The following CGNL1 variants were observed in gnomAD, a reference collection of about 807,000 sequenced individuals.
CGNL1 encodes cingulin like 1.
A neutral mutation model predicts 141.2 loss-of-function variants in CGNL1; 132 were observed. That is an observed-to-expected ratio of 0.93 (90% CI 0.81 to 1.08). The LOEUF is 1.08. CGNL1 is among the 50% of genes least tolerant of loss of function. The pLI is 0.00. For missense variants in CGNL1, 1,870 were observed against 1,588.6 expected (o/e 1.18, Z -3.01); for synonymous variants, 690 against 622.1 (o/e 1.11, Z -1.63).
intron 8 of CGNL1, among the ~76,000 whole-genome samples, chr15:57,513,463 T>C (rs2030514202): frequency 6.6e-6 from 1 of 152,210 alleles, no homozygotes; most frequent in Non-Finnish European, 1.5e-5. Context: ...TTGCACTTAT[T>C]GGATACTGTG....
At chr15:57,451,772 A>AT (rs1282084983) in intron 5 of CGNL1, among the ~76,000 whole-genome samples, 171 bp downstream of exon 5, 75 of 149,524 alleles carry the variant, frequency 5.0e-4, no homozygotes, top group African/African-American at 1.4e-3. Context: ...TGTCCAAAGA[A>AT]TTTTTTTTTT....
At position 57,439,541 on chromosome 15, in the gene CGNL1, G is replaced by T. The variant is rs377479463; in HGVS notation, c.1542G>T (p.Ser514=). ...TACAGAACCGGGCAACAGCAACTTCGCCTGATTCTGGTGCCAAGAAAATTT... is the reference window on the plus strand; with the variant it reads ...TACAGAACCGGGCAACAGCAACTTCTCCTGATTCTGGTGCCAAGAAAATTT... ...LMLQNRATAT[S]PDSGAKKISV... The change falls in exon 2 of 19, where the codon TCG becomes TCT. Residue 514 remains serine, a synonymous_variant. Coordinates refer to ENST00000281282, the MANE Select transcript of CGNL1 (RefSeq NM_032866.5). 27 of 1,613,998 alleles carry T rather than the reference G, an allele frequency of 1.7e-5. 1 individual carries two copies. In the African/African-American group the frequency reaches 2.9e-4, roughly 18 times the overall value.
Position 57,523,501 on chromosome 15 carries a change from C to A in CGNL1, c.2728C>A (p.Gln910Lys). The A allele has an allele frequency of 6.2e-7, 1 of 1,614,112 alleles. No individual in the cohort carries two copies. The highest frequency in any genetic ancestry group is 8.5e-7 in the Non-Finnish European group (1 of 1,180,014). Residue 910 changes from glutamine (Q) to lysine (K), a missense_variant, in exon 11 of 19, where the codon CAG becomes AAG. Transcript: ENST00000281282. ...ELEAAQGNLS[Q>K]TTQEQKQLSE... The stretch of plus-strand genomic sequence containing the variant: ...CTGCCATTTGCAGGGAAATCTGAGT[C>A]AGACTACCCAGGAGCAGAAGCAGTT...
In CGNL1 at chr15:57,549,506, A is replaced by G. The variant is rs1193114100; in HGVS notation, c.*2016A>G. ...AGACAGCCAAGCCCCTTCCACATCT[A>G]CAGGGTCACTGTCATCCTCACCACA... On this transcript the variant is annotated 3_prime_UTR_variant, in exon 19 of 19. Transcript: ENST00000281282. 2.0e-5 allele frequency: 3 copies of G among 152,156 alleles called. No individual in the cohort carries two copies. The highest frequency in any genetic ancestry group is 3.9e-4 in the East Asian group (2 of 5,184). 9.4% of individuals were successfully genotyped at this position (152,156 alleles called of 1,614,324 possible).
intron 1 of CGNL1, among the ~76,000 whole-genome samples, chr15:57,403,430 C>T (rs1416053028): frequency 6.6e-6 from 1 of 152,202 alleles, no homozygotes; most frequent in African/African-American, 2.4e-5. Context: ...AAAACCATCT[C>T]CCAAACCCAG....
At chr15:57,490,916 AT>A (rs2063851944) in intron 8 of CGNL1, among the ~76,000 whole-genome samples, 1 of 152,168 alleles carries the variant, frequency 6.6e-6, no homozygotes, top group South Asian at 2.1e-4. Flanking sequence ...CATCAGACAA[AT>A]TCCAATTGAG....
At chr15:57,377,238 C>T (rs2062373902) in intron 1 of CGNL1, 2 of 152,234 alleles carry the variant, frequency 1.3e-5, no homozygotes, top group African/African-American at 4.8e-5. Context: ...GTGTGTTCTT[C>T]ACCCTAAGGC....
chr15:57,542,926 C>G lies in CGNL1; in HGVS notation c.3292-770C>G, dbSNP rs150568752. On this transcript the variant is annotated intron_variant, in intron 14 of 18. Transcript: ENST00000281282. ...AGTATCCTCAGAGAGATACTGTTAG[C>G]TCCTTCTGAGGGTTGTTTGTGAGTG... is the stretch of plus-strand genomic sequence containing the variant. 2.6e-5 allele frequency among the ~76,000 whole-genome samples: 4 copies of G among 152,326 alleles called. No individual in the cohort carries two copies. The East Asian group carries it at 7.7e-4, about 29-fold the overall frequency.
At chr15:57,457,665 G>A (rs957412532) in intron 7 of CGNL1, among the ~76,000 whole-genome samples, 2 of 152,140 alleles carry the variant, frequency 1.3e-5, no homozygotes, top group Non-Finnish European at 2.9e-5. Context: ...CAAACAAGAG[G>A]CGTGAGAGCC....
intron 1 of CGNL1, among the ~76,000 whole-genome samples, chr15:57,435,976 T>C (rs2063100976): frequency 1.3e-5 from 2 of 152,092 alleles, no homozygotes; most frequent in South Asian, 4.1e-4. Context: ...CAGGTAGAGA[T>C]TAGCAACATT....
chr15:57,463,406 T>G (rs757853520), intron 8 of CGNL1, among the ~76,000 whole-genome samples: 9 of 152,244 alleles, frequency 5.9e-5, no homozygotes, highest in African/African-American at 1.7e-4. Flanking sequence ...TAACTCATAG[T>G]ATTTTCATTA....
chr15:57,532,006 T>A (rs960552777), intron 14 of CGNL1, among the ~76,000 whole-genome samples: 1 of 152,222 alleles, frequency 6.6e-6, no homozygotes, highest in East Asian at 1.9e-4. Flanking sequence ...TATTTCCTGA[T>A]CTATACCTAG....
intron 8 of CGNL1, 35 bp from the exon 9 acceptor site, chr15:57,516,745 A>C (rs2030832838): frequency 8.1e-6 from 13 of 1,599,872 alleles, no homozygotes; most frequent in Non-Finnish European, 1.1e-5. Flanking sequence ...CCTTGACATC[A>C]GTCTCCTTGT....
intron 1 of CGNL1, among the ~76,000 whole-genome samples, chr15:57,435,407 G>GGTTT (rs1291475942): frequency 2.1e-5 from 2 of 96,862 alleles, no homozygotes. Context: ...AAATTTGCAG[G>GGTTT]TTTTTTTGTT....
At chr15:57,532,812 C>A (rs549189334) in intron 14 of CGNL1, among the ~76,000 whole-genome samples, 1 of 152,338 alleles carries the variant, frequency 6.6e-6, no homozygotes, top group South Asian at 2.1e-4. Context: ...GAGCCTCAGC[C>A]CTAAAAGGCA....
intron 2 of CGNL1, among the ~76,000 whole-genome samples, chr15:57,440,032 A>G (rs1440833285): frequency 2.0e-5 from 3 of 152,026 alleles, no homozygotes; most frequent in Admixed American, 6.6e-5. Context: ...ATTTAGGTTA[A>G]TTGTCAAGTG....
intron 1 of CGNL1, among the ~76,000 whole-genome samples, chr15:57,419,990 A>G (rs1475806215): frequency 6.6e-6 from 1 of 152,190 alleles, no homozygotes; most frequent in African/African-American, 2.4e-5. Flanking sequence ...TATTTATTTT[A>G]TACTTTGAGT....
At chr15:57,419,220 C>T (rs1447330609) in intron 1 of CGNL1, among the ~76,000 whole-genome samples, 1 of 152,106 alleles carries the variant, frequency 6.6e-6, no homozygotes, top group Non-Finnish European at 1.5e-5. Flanking sequence ...TGAGCCACCG[C>T]GCCTGGCCTC....
intron 8 of CGNL1, among the ~76,000 whole-genome samples, chr15:57,500,354 G>A (rs1304664454): frequency 6.6e-6 from 1 of 152,212 alleles, no homozygotes; most frequent in Admixed American, 6.5e-5. Context: ...AATTACTTAC[G>A]TTAATAGATG....
Sources: gnomAD v4.1 joint callset for allele counts (sites outside exome capture counted in the v4.1 genomes callset) on GRCh38, gnomAD v4.1.1 for gene constraint, MANE v1.5 for transcripts, NCBI Gene and HGNC (gene_info 2026-07-23, HGNC 2026-07-21) for gene names.